CFAP54: variants seen among roughly 807,000 people sequenced by gnomAD.
The protein encoded by CFAP54 is cilia- and flagella-associated protein 54.
A neutral mutation model predicts 370.4 loss-of-function variants in CFAP54; 290 were observed. That is an observed-to-expected ratio of 0.78 (90% CI 0.71 to 0.86). CFAP54 has a LOEUF of 0.86. Among genes scored for constraint, CFAP54 ranks in the 40% least tolerant of loss-of-function variants. The pLI is 0.00. For missense variants in CFAP54, 3,399 were observed against 3,528.7 expected (o/e 0.96, Z 0.93); for synonymous variants, 1,206 against 1,236.5 (o/e 0.98, Z 0.52).
At chr12:96,671,967 A>G (rs1262853569) in intron 39 of CFAP54, among the ~76,000 whole-genome samples, 1 of 151,286 alleles carries the variant, frequency 6.6e-6, no homozygotes, top group Non-Finnish European at 1.5e-5. Context: ...AGAAAGAAAG[A>G]AAGAGAGAGA....
intron 49 of CFAP54, 60 bp downstream of exon 49, chr12:96,718,582 C>CATCCAGGGCCTAATAG: frequency 4.2e-6 from 4 of 949,684 alleles, no homozygotes; most frequent in Non-Finnish European, 6.6e-6. Context: ...CTATTAGGCC[C>CATCCAGGGCCTAATAG]TGGATGGGCC....
chr12:96,765,351 C>G, intron 60 of CFAP54, 133 bp downstream of exon 60: 1 of 775,992 alleles, frequency 1.3e-6, no homozygotes, highest in Non-Finnish European at 1.9e-6. Context: ...TCCAGGGGAT[C>G]ATAGGGGTCC....
intron 66 of CFAP54, among the ~76,000 whole-genome samples, chr12:96,854,368 T>G (rs1020590297): frequency 6.6e-6 from 1 of 152,124 alleles, no homozygotes; most frequent in Admixed American, 6.6e-5. Flanking sequence ...TGTGTAACAT[T>G]CTCTAATATA....
At chr12:96,601,440 G>T (rs576038583) in intron 26 of CFAP54, among the ~76,000 whole-genome samples, 1 of 152,296 alleles carries the variant, frequency 6.6e-6, no homozygotes, top group East Asian at 1.9e-4. Flanking sequence ...TCTCTGCTAG[G>T]CTTTGGTATC....
intron 12 of CFAP54, among the ~76,000 whole-genome samples, chr12:96,536,114 AC>A (rs1300961413): frequency 6.6e-6 from 1 of 152,178 alleles, no homozygotes; most frequent in East Asian, 1.9e-4. Context: ...GTTCTGGAGT[AC>A]ATGTGCAGGA....
intron 65 of CFAP54, among the ~76,000 whole-genome samples, chr12:96,827,970 T>C (rs1392860131): frequency 2.6e-4 from 24 of 94,110 alleles, no homozygotes; most frequent in Non-Finnish European, 4.2e-4. Flanking sequence ...TAATACATAG[T>C]AATATATTAT....
chr12:96,730,041 A>G (rs922231922), intron 50 of CFAP54, among the ~76,000 whole-genome samples: 2 of 152,152 alleles, frequency 1.3e-5, no homozygotes, highest in Non-Finnish European at 2.9e-5. Context: ...TTTTTCTCTA[A>G]TACAGAATAA....
intron 66 of CFAP54, among the ~76,000 whole-genome samples, chr12:96,835,129 G>T (rs79418995): frequency 0.015 from 2,331 of 152,198 alleles, 70 homozygotes; most frequent in African/African-American, 0.053. Context: ...GCAGAGAATA[G>T]GCCCTGGAGT....
chr12:96,849,340 A>G (rs771822548), intron 66 of CFAP54, among the ~76,000 whole-genome samples: 20 of 152,332 alleles, frequency 1.3e-4, no homozygotes, highest in African/African-American at 4.3e-4. Flanking sequence ...CAATTGTTCA[A>G]TATCCCACTT....
chr12:96,577,496 C>T (rs893708376), intron 20 of CFAP54, among the ~76,000 whole-genome samples: 3 of 152,064 alleles, frequency 2.0e-5, no homozygotes, highest in Admixed American at 1.3e-4. Context: ...CTTTGATTCT[C>T]TTTAGGATGT....
rs566585949 is a variant in CFAP54 at position 96,850,261 on chromosome 12, C to T, written c.9172-10558C>T. On this transcript the variant is annotated intron_variant, in intron 66 of 67. Coordinates refer to ENST00000524981, the MANE Select transcript of CFAP54 (RefSeq NM_001306084.2). ...AAAGTAGCCGGGCATGAGGCTGAGG[C>T]AGGACAATGGCCTCCCAGGAGGTGG... 5.4e-4 allele frequency among the ~76,000 whole-genome samples: 80 copies of T among 147,216 alleles called. 1 individual carries two copies. Among genetic ancestry groups the T allele is most frequent in the African/African-American group, 2.0e-3 (79 of 39,778 alleles).
intron 63 of CFAP54, among the ~76,000 whole-genome samples, chr12:96,795,028 A>T (rs1353801270): frequency 1.3e-5 from 2 of 152,208 alleles, no homozygotes; most frequent in Non-Finnish European, 2.9e-5. Context: ...CTAGGCACCC[A>T]TCGAAGCTAC....
chr12:96,753,459 T>A (rs1247941691), intron 55 of CFAP54, among the ~76,000 whole-genome samples: 1 of 152,198 alleles, frequency 6.6e-6, no homozygotes, highest in Non-Finnish European at 1.5e-5. Context: ...TAGAGCATTG[T>A]GAATTTTAGA....
intron 39 of CFAP54, among the ~76,000 whole-genome samples, chr12:96,668,614 G>A (rs1171533350): frequency 1.3e-5 from 2 of 152,212 alleles, no homozygotes; most frequent in Admixed American, 6.5e-5. Flanking sequence ...GATTATGGGA[G>A]CTACAATTCA....
chr12:96,834,412 A>T (rs761648100), intron 66 of CFAP54, among the ~76,000 whole-genome samples: 1 of 152,240 alleles, frequency 6.6e-6, no homozygotes, highest in African/African-American at 2.4e-5. Context: ...CCTGGATCCC[A>T]TGCCTGCCAA....
At chr12:96,654,303 C>T (rs965758241) in intron 36 of CFAP54, among the ~76,000 whole-genome samples, 4 of 152,112 alleles carry the variant, frequency 2.6e-5, no homozygotes, top group Non-Finnish European at 4.4e-5. Context: ...AGATCGAGAC[C>T]ATCCTGGCTA....
chr12:96,813,833 G>A (rs1958949762), intron 64 of CFAP54, among the ~76,000 whole-genome samples: 1 of 152,210 alleles, frequency 6.6e-6, no homozygotes. Context: ...TGTTTGTAGT[G>A]CCAAGGTTTA....
chr12:96,524,940 T>C (rs557483691), intron 8 of CFAP54, among the ~76,000 whole-genome samples: 1 of 152,324 alleles, frequency 6.6e-6, no homozygotes, highest in South Asian at 2.1e-4. Context: ...ATTGACATCA[T>C]CCACATCTTC....
intron 6 of CFAP54, among the ~76,000 whole-genome samples, chr12:96,521,592 G>A (rs1219079442): frequency 2.0e-5 from 3 of 151,852 alleles, no homozygotes; most frequent in South Asian, 2.1e-4. Flanking sequence ...GCTGAGAAGC[G>A]ATAATCTGTA....
Sources: gnomAD v4.1 joint callset for allele counts (sites outside exome capture counted in the v4.1 genomes callset) on GRCh38, gnomAD v4.1.1 for gene constraint, MANE v1.5 for transcripts, NCBI Gene and HGNC (gene_info 2026-07-23, HGNC 2026-07-21) for gene names.